CFAP47: variants seen among roughly 807,000 people sequenced by gnomAD.
CFAP47 encodes the protein cilia and flagella associated protein 47.
CFAP47 carries 29 observed loss-of-function variants against 148.1 expected under a neutral mutation model. The ratio of observed to expected loss-of-function variants is 0.20; its 90% CI spans 0.15 to 0.27. The LOEUF (loss-of-function observed/expected upper bound fraction) is 0.27, where lower values mean the gene tolerates loss of function less well. Among genes scored for constraint, CFAP47 ranks in the 10% least tolerant of loss-of-function variants. The pLI, the probability that CFAP47 is intolerant of heterozygous loss-of-function variation, is 1.00. For synonymous variants in CFAP47, 664 were observed against 577.3 expected (o/e 1.15, Z -2.15); for missense variants, 1,872 against 1,697.5 (o/e 1.10, Z -1.81).
chrX:36,077,881 T>G (rs1937895909), intron 29 of CFAP47, among the ~76,000 whole-genome samples: 2 of 109,184 alleles, frequency 1.8e-5, no homozygotes, highest in Admixed American at 2.0e-4. Flanking sequence ...CACAAAAAAT[T>G]AGTCAAGCAT....
At chrX:35,931,156 A>T (rs962114802) in intron 2 of CFAP47, among the ~76,000 whole-genome samples, 2 of 110,767 alleles carry the variant, frequency 1.8e-5, no homozygotes, top group African/African-American at 6.6e-5. Flanking sequence ...AATTTTTTTT[A>T]AAGTTTCTCT....
At chrX:35,995,207 A>G (rs975517243) in intron 18 of CFAP47, among the ~76,000 whole-genome samples, 2 of 111,600 alleles carry the variant, frequency 1.8e-5, no homozygotes, top group Non-Finnish European at 3.8e-5. Context: ...GAGAGCTGCA[A>G]TGCAGACATA....
rs1480275087 is a variant in CFAP47, at chrX:36,166,888, CA to C, written c.6026+6121del. ...AAGGCCACCGTCTTTGGCATGCCCA[CA>C]ATTACCCTGGGATTACAGTGGTTTT... On this transcript the variant is annotated intron_variant, in intron 39 of 63. Transcript: ENST00000378653. Among the ~76,000 whole-genome samples the C allele has an allele frequency of 4.5e-5, 5 of 111,544 alleles. 1 individual carries two copies. Among genetic ancestry groups the C allele is most frequent in the East Asian group, 2.8e-4 (1 of 3,543 alleles).
chrX:36,056,725 C>T (rs1937557583), intron 26 of CFAP47, among the ~76,000 whole-genome samples: 1 of 112,516 alleles, frequency 8.9e-6, no homozygotes, highest in Admixed American at 9.4e-5. Context: ...AGCTACCTGC[C>T]TCCTTTTGTC....
intron 22 of CFAP47, 133 bp from the exon 23 acceptor site, chrX:36,031,120 C>A (rs192990704): frequency 8.0e-6 from 2 of 250,627 alleles, no homozygotes; most frequent in East Asian, 1.1e-4. Context: ...ATTTTATTTT[C>A]TGGTTGGGAA....
chrX:36,016,116 C>A (rs1937093273), intron 22 of CFAP47, among the ~76,000 whole-genome samples: 1 of 110,222 alleles, frequency 9.1e-6, no homozygotes, highest in African/African-American at 3.3e-5. Context: ...GAGTATCCAT[C>A]CCATCAAGCA....
At chrX:36,015,529 C>A (rs1937087505) in intron 22 of CFAP47, among the ~76,000 whole-genome samples, 1 of 111,196 alleles carries the variant, frequency 9.0e-6, no homozygotes, top group Admixed American at 9.6e-5. Context: ...GTTAAATCGT[C>A]ATTAATTCTA....
chrX:36,380,549 T>C (rs782243338), intron 63 of CFAP47, among the ~76,000 whole-genome samples: 1 of 112,009 alleles, frequency 8.9e-6, no homozygotes, highest in Admixed American at 9.4e-5. Flanking sequence ...GTTCACGCCA[T>C]TCTCCTGCCT....
Position 36,104,514 on chromosome X carries a change from C to T in CFAP47, c.5143C>T (p.Arg1715Cys), listed in dbSNP as rs771361056. 2.3e-6 allele frequency: 2 copies of T among 888,635 alleles called. No homozygotes were observed. Among genetic ancestry groups the T allele is most frequent in the East Asian group, 3.6e-5 (1 of 27,817 alleles). The allele number at this position is 888,635 out of a possible 1,213,427, so 73.2% of individuals were successfully genotyped here. Residue 1715 changes from arginine to cysteine, a missense_variant, in exon 33 of 64, where the codon CGT (arginine) becomes TGT (cysteine). Arg to Cys is a radical substitution (Grantham distance 180). Coordinates refer to ENST00000378653, the MANE Select transcript of CFAP47 (RefSeq NM_001304548.2). ...LQIYKVLVLS[R>C]VVPYCSNNMP... Reference sequence around the variant, plus strand: ...CCAATTTCAGGTTTTGGTTCTATCCCGTGTAGTGCCATACTGCAGCAATAA... The same window carrying T: ...CCAATTTCAGGTTTTGGTTCTATCCTGTGTAGTGCCATACTGCAGCAATAA...
In CFAP47 at chrX:35,926,046, A is replaced by G; in HGVS notation, c.279A>G (p.Lys93=). 8.3e-7 allele frequency: 1 copy of G among 1,207,604 alleles called. No individual in the cohort carries two copies. Among genetic ancestry groups the G allele is most frequent in the South Asian group, 1.8e-5 (1 of 56,467 alleles). Residue 93 remains lysine (K), a synonymous_variant, in exon 2 of 64, where the codon AAA becomes AAG. Transcript: ENST00000378653. ...AACTGATGTTGACCAGTCTGGATAA[A>G]GAACTTGCTTCTGGCCTTCAGATGA... ...QFKLMLTSLD[K]ELASGLQMTA... is the part of the protein sequence containing the mutation.
chrX:36,170,518 T>G (rs190261136), intron 39 of CFAP47, among the ~76,000 whole-genome samples: 438 of 110,059 alleles, frequency 4.0e-3, no homozygotes, highest in Middle Eastern at 9.4e-3. Context: ...TCATTGTCAA[T>G]TCCCACATAT....
At chrX:36,115,293 T>A (rs748860321) in intron 33 of CFAP47, among the ~76,000 whole-genome samples, 1 of 112,087 alleles carries the variant, frequency 8.9e-6, no homozygotes, top group East Asian at 2.8e-4. Flanking sequence ...AAATAAAAAA[T>A]CATAATCACA....
At chrX:36,202,909 A>G (rs1386711163) in intron 44 of CFAP47, among the ~76,000 whole-genome samples, 3 of 110,696 alleles carry the variant, frequency 2.7e-5, no homozygotes, top group Non-Finnish European at 3.8e-5. Context: ...AAAAAAAGCT[A>G]TAAATGAGGT....
intron 49 of CFAP47, among the ~76,000 whole-genome samples, chrX:36,278,692 A>C (rs1158383881): frequency 1.8e-5 from 2 of 112,432 alleles, no homozygotes; most frequent in Non-Finnish European, 3.8e-5. Flanking sequence ...TGGGAGCTGC[A>C]GACCGGAGCT....
rs1602116488 is a variant in CFAP47, at chrX:36,341,256, C to T, written c.8444-6873C>T. ...TTCCCCATGTTGGCCAGGATGGTCT[C>T]GATATCCTGACCTTGTGATCTGCCC... On this transcript the variant is annotated intron_variant, in intron 57 of 63. Coordinates refer to ENST00000378653, the MANE Select transcript of CFAP47 (RefSeq NM_001304548.2). 3.6e-5 allele frequency among the ~76,000 whole-genome samples: 4 copies of T among 109,953 alleles called. No homozygotes were observed. The South Asian group carries it at 1.6e-3, about 43-fold the overall frequency.
chrX:36,243,459 A>G (rs1489909384), intron 48 of CFAP47, among the ~76,000 whole-genome samples: 2 of 108,926 alleles, frequency 1.8e-5, no homozygotes, highest in Admixed American at 9.9e-5. Flanking sequence ...AACAATACCC[A>G]CAGGCTCAAA....
intron 3 of CFAP47, among the ~76,000 whole-genome samples, chrX:35,942,167 C>T (rs765407758): frequency 9.0e-6 from 1 of 111,055 alleles, no homozygotes; most frequent in South Asian, 3.8e-4. Context: ...TGCCATTTCT[C>T]CCAATCTAAA....
At chrX:36,044,143 A>T (rs1172319612) in intron 25 of CFAP47, among the ~76,000 whole-genome samples, 6 of 113,414 alleles carry the variant, frequency 5.3e-5, no homozygotes, top group Non-Finnish European at 1.9e-5. Flanking sequence ...TTCACAGAGC[A>T]GCAGGGCTCT....
At chrX:36,295,395 T>G (rs1460641607) in intron 51 of CFAP47, among the ~76,000 whole-genome samples, 1 of 112,299 alleles carries the variant, frequency 8.9e-6, no homozygotes, top group Non-Finnish European at 1.9e-5. Context: ...TACTTCTCAT[T>G]TAGTAAGAGT....
Sources: gnomAD v4.1 joint callset for allele counts (sites outside exome capture counted in the v4.1 genomes callset) on GRCh38, gnomAD v4.1.1 for gene constraint, MANE v1.5 for transcripts, NCBI Gene and HGNC (gene_info 2026-07-23, HGNC 2026-07-21) for gene names.